AGO4: variants seen among roughly 807,000 people sequenced by gnomAD.
AGO4 encodes the protein protein argonaute-4.
Under a neutral mutation model 104.7 loss-of-function variants are expected in AGO4, and 33 were observed. The observed-to-expected ratio is 0.32, with a 90% CI of 0.24 to 0.42. The LOEUF (loss-of-function observed/expected upper bound fraction) is 0.42. AGO4 is among the 10% of genes least tolerant of loss of function. AGO4 has a pLI of 1.00. For missense variants in AGO4, 711 were observed against 1,083.4 expected, an observed-to-expected ratio of 0.66 and a Z score of 4.83; for synonymous variants, 331 against 364.7, an observed-to-expected ratio of 0.91 and a Z score of 1.05.
At chr1:35,836,075 G>A in intron 13 of AGO4, 82 bp downstream of exon 13, 1 of 1,419,102 alleles carries the variant, frequency 7.0e-7, no homozygotes, top group Non-Finnish European at 9.6e-7. Flanking sequence ...TATTATATAT[G>A]CATCTAGATT....
Position 35,835,857 on chromosome 1 carries a change from A to G in AGO4, c.1588A>G (p.Thr530Ala). 6.2e-7 allele frequency: 1 copy of G among 1,611,580 alleles called. No individual in the cohort carries two copies. Among genetic ancestry groups the G allele is most frequent in the Non-Finnish European group, 8.5e-7 (1 of 1,179,312 alleles). ...VYAEVKRVGD[T>A]LLGMATQCVQ... ...AGCGGAGGTGAAACGTGTTGGAGAT[A>G]CCCTTCTAGGTATGGCCACACAGTG... Residue 530 changes from threonine to alanine, a missense_variant, in exon 13 of 18, where the codon ACC becomes GCC. Physicochemically the swap from Thr to Ala is moderately conservative, Grantham distance 58. Around this residue, in one of 3 missense-constraint regions of AGO4, gnomAD observed 401 missense variants for 665.5 expected, o/e 0.60. Transcript: ENST00000373210.
chr1:35,834,009 C>A lies in AGO4; in HGVS notation c.1399C>A (p.Arg467Ser). ...TAACAGGAGTTTCACTGACCAGCTG[C>A]GTAAAATCTCTAAGGATGCAGGAAT... ...DLLKSFTDQL[R>S]KISKDAGMPI... The change falls in exon 12 of 18, where the codon CGT becomes AGT. Residue 467 changes from arginine (R) to serine (S), a missense_variant. By Grantham distance (110) the Arg-to-Ser change is moderately radical. Transcript: ENST00000373210. 6.4e-7 allele frequency: 1 copy of A among 1,574,458 alleles called. No homozygotes were observed. The highest frequency in any genetic ancestry group is 1.8e-5 in the Admixed American group (1 of 55,782).
intron 15 of AGO4, among the ~76,000 whole-genome samples, chr1:35,846,371 G>A (rs1305772886): frequency 6.6e-6 from 1 of 152,040 alleles, no homozygotes; most frequent in African/African-American, 2.4e-5. Flanking sequence ...GCTGAGGTGG[G>A]CGGATCACAA....
rs138575323 is a variant in AGO4 at position 35,830,850 on chromosome 1, T to C, written c.849-577T>C. Among the ~76,000 whole-genome samples, 611 of 151,626 alleles carry C rather than the reference T, an allele frequency of 4.0e-3. 4 individuals carry two copies. Among genetic ancestry groups the C allele is most frequent in the African/African-American group, 0.014 (590 of 41,334 alleles). ...AATTATAGGTGGTGGCGCGCACTTG[T>C]AATCCCAGCTACTCGGGAGCCTGAG... On this transcript the variant is annotated intron_variant, in intron 7 of 17. Coordinates refer to ENST00000373210, the MANE Select transcript of AGO4 (RefSeq NM_017629.4).
chr1:35,814,738 G>A (rs1342796907), intron 1 of AGO4, among the ~76,000 whole-genome samples: 1 of 152,106 alleles, frequency 6.6e-6, no homozygotes, highest in Non-Finnish European at 1.5e-5. Context: ...TGAAGGATAA[G>A]TAGAATATAG....
chr1:35,833,255 G>A (rs951814817), intron 11 of AGO4, among the ~76,000 whole-genome samples: 9 of 151,922 alleles, frequency 5.9e-5, no homozygotes, highest in Admixed American at 2.0e-4. Flanking sequence ...CTCCAGCCTC[G>A]CGACAGAGCA....
intron 7 of AGO4, among the ~76,000 whole-genome samples, chr1:35,829,023 C>A (rs977036308): frequency 4.8e-5 from 7 of 144,398 alleles, no homozygotes; most frequent in Non-Finnish European, 7.8e-5. Context: ...TACTCAGAGC[C>A]CCCCCCCCCA....
chr1:35,839,950 G>C (rs1331230176), intron 13 of AGO4, among the ~76,000 whole-genome samples: 2 of 149,096 alleles, frequency 1.3e-5, no homozygotes, highest in African/African-American at 5.0e-5. Flanking sequence ...CTGGGCAACA[G>C]AGTGAGACCC....
In AGO4 at chr1:35,831,910, A is replaced by G. The variant is rs1026965474; in HGVS notation, c.1095A>G (p.Arg365=). 1.2e-6 allele frequency: 2 copies of G among 1,614,000 alleles called. No individual in the cohort carries two copies. Among genetic ancestry groups the G allele is most frequent in the Non-Finnish European group, 1.7e-6 (2 of 1,179,980 alleles). Residue 365 remains arginine, a synonymous_variant, in exon 9 of 18, where the codon AGA becomes AGG. Coordinates refer to ENST00000373210, the MANE Select transcript of AGO4 (RefSeq NM_017629.4). ...CTACAGCAAGATCTGCTCCTGACAG[A>G]CAGGAAGAGATCAGTAGACTGGTCA... ...IKATARSAPD[R]QEEISRLVKS...
intron 1 of AGO4, among the ~76,000 whole-genome samples, chr1:35,812,716 CG>C (rs1462113069): frequency 1.3e-5 from 2 of 152,126 alleles, no homozygotes; most frequent in African/African-American, 4.8e-5. Context: ...CTCAGTCTCC[CG>C]AGTAGCTGGG....
intron 15 of AGO4, among the ~76,000 whole-genome samples, chr1:35,842,397 A>G (rs762477065): frequency 3.3e-5 from 5 of 152,260 alleles, no homozygotes; most frequent in Non-Finnish European, 2.9e-5. Flanking sequence ...GACTGCTGGC[A>G]TAGAAGATTC....
At chr1:35,834,510 G>A (rs1258970991) in intron 12 of AGO4, among the ~76,000 whole-genome samples, 2 of 152,174 alleles carry the variant, frequency 1.3e-5, no homozygotes, top group East Asian at 1.9e-4. Context: ...GATGGGCATT[G>A]AGAATGTAGT....
intron 15 of AGO4, among the ~76,000 whole-genome samples, chr1:35,848,787 G>T (rs377154050): frequency 6.6e-6 from 1 of 151,838 alleles, no homozygotes; most frequent in African/African-American, 2.4e-5. Context: ...TCTCAGGTTT[G>T]TTTCACCATA....
Position 35,841,405 on chromosome 1 carries a change from C to T in AGO4, c.1965C>T (p.Phe655=). ...TNMVRELLIQ[F]YKSTRFKPTR... The stretch of plus-strand genomic sequence containing the variant: ...TGGTTCGAGAGCTGCTGATTCAGTT[C>T]TACAAATCCACACGCTTCAAACCCA... Residue 655 remains phenylalanine (F), a synonymous_variant, in exon 14 of 18, where the codon TTC becomes TTT. Transcript: ENST00000373210. The surrounding 1 kb of genome is among the most constrained non-coding windows in gnomAD (Gnocchi z 4.7). 6.2e-7 allele frequency: 1 copy of T among 1,614,176 alleles called. No homozygotes were observed. Among genetic ancestry groups the T allele is most frequent in the Non-Finnish European group, 8.5e-7 (1 of 1,180,042 alleles).
At chr1:35,834,216 A>G (rs1200743445) in intron 12 of AGO4, 42 bp downstream of exon 12, 20 of 1,457,976 alleles carry the variant, frequency 1.4e-5, no homozygotes, top group Non-Finnish European at 1.8e-5. Context: ...GATTTCAAGC[A>G]GTAGATATAA....
chr1:35,832,721 A>G (rs1644214068), intron 11 of AGO4, 151 bp downstream of exon 11: 1 of 1,058,700 alleles, frequency 9.4e-7, no homozygotes, highest in African/African-American at 1.6e-5. Flanking sequence ...TATTATAGTA[A>G]TTTGCAAACT....
Position 35,831,499 on chromosome 1 carries a change from T to C in AGO4, c.921T>C (p.Ser307=), listed in dbSNP as rs1406625479. The change falls in exon 8 of 18, where the codon AGT becomes AGC. Residue 307 remains serine (S), a synonymous_variant. Transcript: ENST00000373210. ...TVAQYFKQKY[S]LQLKYPHLPC... ...CTCAATATTTTAAGCAAAAGTATAG[T>C]CTGCAACTGAAATACCCCCATCTTC... 6 of 1,614,030 alleles carry C rather than the reference T, an allele frequency of 3.7e-6. No individual in the cohort carries two copies. Among genetic ancestry groups the C allele is most frequent in the Non-Finnish European group, 5.1e-6 (6 of 1,180,008 alleles).
Position 35,854,253 on chromosome 1 carries a change from A to G in AGO4, c.*648A>G, listed in dbSNP as rs1000516737. On this transcript the variant is annotated 3_prime_UTR_variant, in exon 18 of 18. Transcript: ENST00000373210. Reference sequence around the variant, plus strand: ...GCACTATATTTGGCTGCAGATTCAAATAGGCAGTTCTCTTATTTGGTCGAC... The same window carrying G: ...GCACTATATTTGGCTGCAGATTCAAGTAGGCAGTTCTCTTATTTGGTCGAC... 1.3e-5 allele frequency: 2 copies of G among 152,682 alleles called. No homozygotes were observed. The highest frequency in any genetic ancestry group is 1.5e-5 in the Non-Finnish European group (1 of 68,052). 9.5% of individuals were successfully genotyped at this position (152,682 alleles called of 1,614,324 possible).
rs373348996 is a variant in AGO4, at chr1:35,831,423, A to G, written c.849-4A>G. On this transcript the variant is annotated splice_polypyrimidine_tract_variant and splice_region_variant and intron_variant, in intron 7 of 17. Coordinates refer to ENST00000373210, the MANE Select transcript of AGO4 (RefSeq NM_017629.4). ...TATTCTAAAAAAGACATTCTCTCCT[A>G]TAGTTTTCCTTTGCAGCTAGAAAAC... The G allele has an allele frequency of 1.3e-5, 20 of 1,599,496 alleles. No homozygotes were observed. In the African/African-American group the frequency reaches 2.4e-4, roughly 19 times the overall value.
Sources: allele counts gnomAD v4.1 joint callset (sites outside exome capture counted in the v4.1 genomes callset), GRCh38; gene constraint gnomAD v4.1.1; regional missense constraint gnomAD v4.1.1; non-coding constraint Gnocchi (gnomAD v3.1); transcripts MANE v1.5; gene names NCBI Gene and HGNC (gene_info 2026-07-23, HGNC 2026-07-21).